SYTL4: variants seen among roughly 807,000 people sequenced by gnomAD.
The protein encoded by SYTL4 is synaptotagmin-like protein 4.
In SYTL4, 16 loss-of-function variants were observed where a neutral mutation model predicts 52.7. That is an observed-to-expected ratio of 0.30 (90% confidence interval 0.21 to 0.46). The LOEUF (loss-of-function observed/expected upper bound fraction) is 0.46. Among genes scored for constraint, SYTL4 ranks in the 20% least tolerant of loss-of-function variants. SYTL4 has a pLI of 1.00. For missense variants in SYTL4, 423 were observed against 519.9 expected, an observed-to-expected ratio of 0.81 and a Z score of 1.81; for synonymous variants, 160 against 186.6, an observed-to-expected ratio of 0.86 and a Z score of 1.16.
Position 100,688,360 on chromosome X carries a change from G to A in SYTL4, c.996C>T (p.Gly332=), listed in dbSNP as rs754419636. The A allele has an allele frequency of 1.7e-6, 2 of 1,207,045 alleles. No individual in the cohort carries two copies. The highest frequency in any genetic ancestry group is 2.2e-5 in the Admixed American group (1 of 45,732). Residue 332 remains glycine, a synonymous_variant, in exon 13 of 20, where the codon GGC becomes GGT. Coordinates refer to ENST00000372989, the MANE Select transcript of SYTL4 (RefSeq NM_001370165.1). ...ATCTAATAGAACTTACCATGGAGGA[G>A]CCACTTTGCATGCTGCTTCTGGCTA... ...QKLARSSMQS[G]SSMSTIGSMM... is the part of the protein sequence containing the mutation.
rs60975472 is a variant in SYTL4 at position 100,730,316 on chromosome X, G to T, written c.-240+1102C>A. On this transcript the variant is annotated intron_variant, in intron 2 of 19. Coordinates refer to ENST00000372989, the MANE Select transcript of SYTL4 (RefSeq NM_001370165.1). The stretch of plus-strand genomic sequence containing the variant: ...TCTCGGCAGTGCATCTAAGGTGGAA[G>T]CAAGGAGAAAAACATATACTTGGGC... Among the ~76,000 whole-genome samples the T allele has an allele frequency of 5.8e-3, 646 of 111,274 alleles. 5 individuals are homozygous for T. The highest frequency in any genetic ancestry group is 0.02 in the African/African-American group (625 of 30,582).
chrX:100,678,118 A>G, intron 19 of SYTL4, among the ~76,000 whole-genome samples: 1 of 111,163 alleles, frequency 9.0e-6, no homozygotes, highest in South Asian at 3.9e-4. Flanking sequence ...GTACATACAT[A>G]TAGGTAGGTT....
intron 2 of SYTL4, among the ~76,000 whole-genome samples, chrX:100,713,790 A>C (rs914708748): frequency 2.7e-5 from 3 of 111,515 alleles, no homozygotes; most frequent in Non-Finnish European, 5.7e-5. Context: ...GAGAAGAATG[A>C]ACTACTGATA....
chrX:100,701,110 A>G (rs1428070370), intron 7 of SYTL4, 110 bp downstream of exon 7: 2 of 883,905 alleles, frequency 2.3e-6, no homozygotes, highest in East Asian at 6.2e-5. Context: ...AGGGATGACA[A>G]TACAATCTTC....
In SYTL4 at chrX:100,690,664, C is replaced by T. The variant is rs1461051434; in HGVS notation, c.642-26G>A. On this transcript the variant is annotated intron_variant, in intron 9 of 19. Coordinates refer to ENST00000372989, the MANE Select transcript of SYTL4 (RefSeq NM_001370165.1). ...CTGGAGGTAGATTCAGAAATTATAA[C>T]TAAGTCACCTCCTACCCTTCCCCTT... The T allele has an allele frequency of 1.0e-5, 11 of 1,089,740 alleles. No homozygotes were observed. The East Asian group carries it at 1.8e-4, about 18-fold the overall frequency. 89.8% of individuals were successfully genotyped at this position (1,089,740 alleles called of 1,213,427 possible).
At position 100,690,489 on chromosome X, in the gene SYTL4, G is replaced by A. The variant is rs1016765954; in HGVS notation, c.717+74C>T. On this transcript the variant is annotated intron_variant, in intron 10 of 19. Coordinates refer to ENST00000372989, the MANE Select transcript of SYTL4 (RefSeq NM_001370165.1). ...GAGGGGGAGGGAGGGAGGGAAAGAC[G>A]GAGGGAGACAGGAGGTAAAGGAGAA... 1.2e-4 allele frequency: 101 copies of A among 818,568 alleles called. No individual in the cohort carries two copies. The South Asian group carries it at 2.3e-3, about 19-fold the overall frequency. The allele number at this position is 818,568 out of a possible 1,213,427, so 67.5% of individuals were successfully genotyped here. A position where few individuals can be genotyped will look rare whatever the true frequency, so the allele number is the denominator to read the frequency against.
rs1053668007 is a variant in SYTL4, at chrX:100,678,385, T to A, written c.1867+6A>T. ...AAACAAGTGAGGATGGGGGAGGGGA[T>A]CTCACCAGTGCCAACACCCAGCCTG... On this transcript the variant is annotated splice_donor_region_variant and intron_variant, in intron 19 of 19. Transcript: ENST00000372989. 3.3e-6 allele frequency: 4 copies of A among 1,194,278 alleles called. No homozygotes were observed. Among genetic ancestry groups the A allele is most frequent in the Non-Finnish European group, 4.5e-6 (4 of 882,076 alleles).
In SYTL4 at chrX:100,689,414, G is replaced by A. The variant is rs191714576; in HGVS notation, c.912+442C>T. Among the ~76,000 whole-genome samples, 234 of 105,898 alleles carry A rather than the reference G, an allele frequency of 2.2e-3. 1 individual carries two copies. The highest frequency in any genetic ancestry group is 4.9e-3 in the Middle Eastern group (1 of 206). 92.0% of individuals were successfully genotyped at this position (105,898 alleles called of 115,157 possible). ...AAAAATTGGGAGGCCGAGGCAGGTGGATCACCTGAGGTCAGGAGTTTGCGA... is the reference window on the plus strand; with the variant it reads ...AAAAATTGGGAGGCCGAGGCAGGTGAATCACCTGAGGTCAGGAGTTTGCGA... On this transcript the variant is annotated intron_variant, in intron 12 of 19. Coordinates refer to ENST00000372989, the MANE Select transcript of SYTL4 (RefSeq NM_001370165.1).
intron 3 of SYTL4, among the ~76,000 whole-genome samples, chrX:100,704,423 G>A (rs1422701735): frequency 8.9e-6 from 1 of 112,584 alleles, no homozygotes; most frequent in African/African-American, 3.2e-5. Context: ...GCCTGAGCCA[G>A]GCAGCAAGAA....
chrX:100,676,356 G>A (rs2083277824), intron 19 of SYTL4, among the ~76,000 whole-genome samples, 180 bp from the exon 20 acceptor site: 1 of 111,820 alleles, frequency 8.9e-6, no homozygotes, highest in African/African-American at 3.3e-5. Flanking sequence ...AAGAGACTCT[G>A]GGTTGATGAA....
At chrX:100,691,405 T>C (rs758394450) in intron 8 of SYTL4, among the ~76,000 whole-genome samples, 196 bp from the exon 9 acceptor site, 1 of 112,255 alleles carries the variant, frequency 8.9e-6, no homozygotes, top group South Asian at 3.7e-4. Flanking sequence ...GTACTGTGGC[T>C]ATTCACAGGT....
At position 100,690,770 on chromosome X, in the gene SYTL4, G is replaced by A. The variant is rs768914548; in HGVS notation, c.642-132C>T. 1.9e-4 allele frequency: 91 copies of A among 474,521 alleles called. 1 individual carries two copies. The highest frequency in any genetic ancestry group is 4.9e-4 in the Admixed American group (12 of 24,340). The allele number at this position is 474,521 out of a possible 1,213,427, so 39.1% of individuals were successfully genotyped here. On this transcript the variant is annotated intron_variant, in intron 9 of 19. Transcript: ENST00000372989. ...TAACCAAATTCAGAAGGTACACTTC[G>A]CATGTGATTTACCTGGAAGGAATGC...
At chrX:100,712,462 A>T (rs1372004683) in intron 2 of SYTL4, among the ~76,000 whole-genome samples, 1 of 111,882 alleles carries the variant, frequency 8.9e-6, no homozygotes, top group Non-Finnish European at 1.9e-5. Context: ...ATAAGCCCTC[A>T]TGTTTATAGT....
At chrX:100,677,341 C>T (rs1228186458) in intron 19 of SYTL4, among the ~76,000 whole-genome samples, 1 of 111,686 alleles carries the variant, frequency 9.0e-6, no homozygotes, top group Non-Finnish European at 1.9e-5. Flanking sequence ...ACAGAGGACC[C>T]AGGTTACACA....
intron 2 of SYTL4, among the ~76,000 whole-genome samples, chrX:100,710,711 G>C (rs2084050986): frequency 8.9e-6 from 1 of 112,206 alleles, no homozygotes; most frequent in African/African-American, 3.2e-5. Flanking sequence ...TGTCTTAAGA[G>C]AATTTCCAGA....
rs182358416 is a variant in SYTL4 at position 100,682,679 on chromosome X, C to A, written c.1450-1344G>T. ...CCAAGATCGCACCACCGCACTCCAG[C>A]CTGGGCGACAGAGCCAGACCCTGTC... On this transcript the variant is annotated intron_variant, in intron 16 of 19. Transcript: ENST00000372989. Among the ~76,000 whole-genome samples, 632 of 110,982 alleles carry A rather than the reference C, an allele frequency of 5.7e-3. 8 individuals are homozygous for A. The highest frequency in any genetic ancestry group is 0.019 in the African/African-American group (593 of 30,449).
intron 16 of SYTL4, among the ~76,000 whole-genome samples, chrX:100,683,177 C>A (rs1160087374): frequency 1.1e-5 from 1 of 95,159 alleles, no homozygotes; most frequent in Admixed American, 1.3e-4. Context: ...GGTTTCATTC[C>A]CAGAGCCCAG....
chrX:100,675,982 C>G lies in SYTL4; in HGVS notation c.*46G>C, dbSNP rs1264317460. The G allele has an allele frequency of 8.5e-7, 1 of 1,174,718 alleles. No homozygotes were observed. The highest frequency in any genetic ancestry group is 1.8e-5 in the African/African-American group (1 of 56,019). ...TTTGCTCTTGATTTCTTCACTTCCTCTGACCTGCCCTCGCCAGGGCTGGAC... is the reference window on the plus strand; with the variant it reads ...TTTGCTCTTGATTTCTTCACTTCCTGTGACCTGCCCTCGCCAGGGCTGGAC... On this transcript the variant is annotated 3_prime_UTR_variant, in exon 20 of 20. Transcript: ENST00000372989.
intron 8 of SYTL4, among the ~76,000 whole-genome samples, chrX:100,691,598 C>T (rs1033170678): frequency 1.8e-5 from 2 of 110,566 alleles, no homozygotes; most frequent in Admixed American, 9.6e-5. Flanking sequence ...AGTGCAGTGG[C>T]GCGATCTTGG....
Sources: gnomAD v4.1 joint callset for allele counts (sites outside exome capture counted in the v4.1 genomes callset) on GRCh38, gnomAD v4.1.1 for gene constraint, MANE v1.5 for transcripts, NCBI Gene and HGNC (gene_info 2026-07-23, HGNC 2026-07-21) for gene names.